CHRM5: variants seen among roughly 807,000 people sequenced by gnomAD.
The protein encoded by CHRM5 is muscarinic acetylcholine receptor M5.
Under a neutral mutation model 39.0 loss-of-function variants are expected in CHRM5, and 18 were observed. The observed-to-expected ratio is 0.46, with a 90% CI of 0.32 to 0.68. The LOEUF is 0.68. Among genes scored for constraint, CHRM5 ranks in the 30% least tolerant of loss-of-function variants. CHRM5 has a pLI of 0.04. For missense variants in CHRM5, 515 were observed against 651.1 expected (o/e 0.79, Z 2.28); for synonymous variants, 241 against 246.3 (o/e 0.98, Z 0.20).
intron 1 of CHRM5, among the ~76,000 whole-genome samples, chr15:33,993,330 T>A (rs1187060244): frequency 6.6e-6 from 1 of 152,198 alleles, no homozygotes; most frequent in Non-Finnish European, 1.5e-5. Flanking sequence ...CAGAAAGAGT[T>A]CTACAAAGAC....
At chr15:34,003,079 C>T (rs1252992833) in intron 1 of CHRM5, 3 of 1,613,890 alleles carry the variant, frequency 1.9e-6, no homozygotes, top group Non-Finnish European at 2.5e-6. Flanking sequence ...CTGTGACTCT[C>T]CACTTTCATT....
At position 33,997,004 on chromosome 15, in the gene CHRM5, A is replaced by G. The variant is rs2140597326; in HGVS notation, c.-408+27854A>G. Among the ~76,000 whole-genome samples the G allele has an allele frequency of 1.3e-5, 2 of 152,248 alleles. 1 individual carries two copies. Among genetic ancestry groups the G allele is most frequent in the East Asian group, 3.8e-4 (2 of 5,200 alleles). On this transcript the variant is annotated intron_variant, in intron 1 of 2. Coordinates refer to ENST00000383263, the MANE Select transcript of CHRM5 (RefSeq NM_012125.4). ...CTAACTAGAATAAACAGCGTAGAGA[A>G]GACCTTAAATTACCCGATGGGGCTG...
chr15:34,062,485 G>T (rs1188040989), intron 2 of CHRM5, among the ~76,000 whole-genome samples, 158 bp from the exon 3 acceptor site: 1 of 151,248 alleles, frequency 6.6e-6, no homozygotes, highest in African/African-American at 2.4e-5. Context: ...AACCCGGGAG[G>T]CGGAGCTTGT....
At chr15:34,059,689 G>A (rs958979815) in intron 2 of CHRM5, among the ~76,000 whole-genome samples, 2 of 152,076 alleles carry the variant, frequency 1.3e-5, no homozygotes, top group African/African-American at 4.8e-5. Context: ...GAAACATTCT[G>A]GCACTAGCAT....
chr15:34,003,117 T>A, intron 1 of CHRM5: 1 of 1,613,916 alleles, frequency 6.2e-7, no homozygotes, highest in East Asian at 2.2e-5. Context: ...TATCTTGATA[T>A]CGATCCCAGT....
In CHRM5 at chr15:34,063,648, G is replaced by A. The variant is rs773978770; in HGVS notation, c.931G>A (p.Asp311Asn). Residue 311 changes from aspartate (D) to asparagine (N), a missense_variant, in exon 3 of 3, where the codon GAT (aspartate) becomes AAT (asparagine). Asp to Asn is a conservative substitution (Grantham distance 23). Coordinates refer to ENST00000383263, the MANE Select transcript of CHRM5 (RefSeq NM_012125.4). This position sits in a 1 kb window ranked among gnomAD's most constrained non-coding sequence, Gnocchi z 4.1. ...CTGTAGCAGCTACCCTTCCTCAGAGGATGAGGACAAGCCCGCCACTGACCC... is the reference window on the plus strand; with the variant it reads ...CTGTAGCAGCTACCCTTCCTCAGAGAATGAGGACAAGCCCGCCACTGACCC... ...TTCSSYPSSE[D>N]EDKPATDPVL... 3 of 1,613,978 alleles carry A rather than the reference G, an allele frequency of 1.9e-6. No homozygotes were observed. Among genetic ancestry groups the A allele is most frequent in the African/African-American group, 2.7e-5 (2 of 74,900 alleles).
At chr15:34,028,574 C>T (rs1898608076) in intron 1 of CHRM5, among the ~76,000 whole-genome samples, 1 of 152,094 alleles carries the variant, frequency 6.6e-6, no homozygotes, top group Non-Finnish European at 1.5e-5. Flanking sequence ...TTAAAACAAA[C>T]AACAACAACA....
At chr15:34,056,025 G>A (rs889736397) in intron 2 of CHRM5, among the ~76,000 whole-genome samples, 3 of 152,028 alleles carry the variant, frequency 2.0e-5, no homozygotes, top group Non-Finnish European at 2.9e-5. Flanking sequence ...GCCTAAGCAG[G>A]TATTGTTATA....
intron 1 of CHRM5, among the ~76,000 whole-genome samples, chr15:34,000,093 G>T (rs1203111440): frequency 6.6e-6 from 1 of 152,106 alleles, no homozygotes; most frequent in Non-Finnish European, 1.5e-5. Flanking sequence ...TTTTCCCATA[G>T]ATATCCTCAC....
chr15:34,009,255 A>G (rs758353471), intron 1 of CHRM5, among the ~76,000 whole-genome samples: 6 of 152,228 alleles, frequency 3.9e-5, no homozygotes, highest in African/African-American at 1.4e-4. Flanking sequence ...TACAAGATAC[A>G]CTAACAAAGT....
intron 1 of CHRM5, among the ~76,000 whole-genome samples, chr15:33,996,023 G>GAT (rs34229878): frequency 0.99 from 151,200 of 152,326 alleles, 75,053 homozygotes; most frequent in Middle Eastern, 1. Context: ...CACACCAGGA[G>GAT]TATATCCCAC....
At chr15:34,012,636 C>T (rs1422781484) in intron 1 of CHRM5, among the ~76,000 whole-genome samples, 1 of 152,202 alleles carries the variant, frequency 6.6e-6, no homozygotes, top group Non-Finnish European at 1.5e-5. Context: ...CTTAGTCACT[C>T]AGGTTTTAAT....
rs1261513833 is a variant in CHRM5, at chr15:34,062,851, T to C, written c.134T>C (p.Ile45Thr). The part of the protein sequence containing the change: ...AVTAVVSLIT[I>T]VGNVLVMISF... ...ACTGCTGTGGTAAGCCTGATCACCA[T>C]TGTGGGCAATGTCTTGGTCATGATC... Residue 45 changes from isoleucine (I) to threonine (T), a missense_variant, in exon 3 of 3, where the codon ATT becomes ACT. Transcript: ENST00000383263. The C allele has an allele frequency of 5.6e-6, 9 of 1,614,106 alleles. No individual in the cohort carries two copies. The highest frequency in any genetic ancestry group is 2.2e-5 in the East Asian group (1 of 44,892).
chr15:33,989,116 GAAGTT>G (rs1896607373), intron 1 of CHRM5, among the ~76,000 whole-genome samples: 1 of 151,684 alleles, frequency 6.6e-6, no homozygotes, highest in African/African-American at 2.4e-5. Flanking sequence ...TATAGTTGCA[GAAGTT>G]AAAATAGTTC....
chr15:34,062,164 A>G (rs763527058), intron 2 of CHRM5, among the ~76,000 whole-genome samples: 2 of 152,238 alleles, frequency 1.3e-5, no homozygotes, highest in African/African-American at 4.8e-5. Flanking sequence ...AACAACAAAA[A>G]GCAAAAGGAT....
chr15:33,996,087 A>T (rs1331720284), intron 1 of CHRM5, among the ~76,000 whole-genome samples: 10 of 152,234 alleles, frequency 6.6e-5, no homozygotes. Flanking sequence ...CTAGCGCAGC[A>T]GTCTGAGATA....
chr15:33,994,289 T>G (rs1017685206), intron 1 of CHRM5, among the ~76,000 whole-genome samples: 1 of 152,192 alleles, frequency 6.6e-6, no homozygotes, highest in African/African-American at 2.4e-5. Flanking sequence ...GGGATCCAGG[T>G]TGCACGCTCC....
intron 1 of CHRM5, among the ~76,000 whole-genome samples, chr15:33,978,436 G>T (rs1039272602): frequency 2.6e-5 from 4 of 152,154 alleles, no homozygotes; most frequent in African/African-American, 9.7e-5. Context: ...GCCCGAGGTG[G>T]GAGGATCACC....
chr15:34,027,130 A>C (rs1336526156), intron 1 of CHRM5, among the ~76,000 whole-genome samples: 1 of 152,170 alleles, frequency 6.6e-6, no homozygotes, highest in South Asian at 2.1e-4. Context: ...CCAAAGACTC[A>C]CAAAAGTCCA....
Sources: allele counts gnomAD v4.1 joint callset (sites outside exome capture counted in the v4.1 genomes callset), GRCh38; gene constraint gnomAD v4.1.1; non-coding constraint Gnocchi (gnomAD v3.1); transcripts MANE v1.5; gene names NCBI Gene and HGNC (gene_info 2026-07-23, HGNC 2026-07-21).